The following SLC8A1 variants were observed in gnomAD, a reference collection of about 807,000 sequenced individuals.
The protein encoded by SLC8A1 is solute carrier family 8 member A1.
SLC8A1 carries 18 observed loss-of-function variants against 68.3 expected under a neutral mutation model. The ratio of observed to expected loss-of-function variants is 0.26; its 90% confidence interval spans 0.18 to 0.39. SLC8A1 has a LOEUF of 0.39. Among genes scored for constraint, SLC8A1 ranks in the 10% least tolerant of loss-of-function variants. SLC8A1 has a pLI of 1.00. For synonymous variants in SLC8A1, 475 were observed against 415.5 expected (o/e 1.14, Z -1.74); for missense variants, 985 against 1,156.7 (o/e 0.85, Z 2.15).
In SLC8A1 at chr2:40,386,169, C is replaced by T. The variant is rs983440725; in HGVS notation, c.1808+42304G>A. ...TGAAATATAAGTTTACATATGCCCA[C>T]GGACAAAAACAAAAAGGACTGTTAG... On this transcript the variant is annotated intron_variant, in intron 2 of 7. Transcript: ENST00000406785. 7.3e-5 allele frequency among the ~76,000 whole-genome samples: 11 copies of T among 151,186 alleles called. 1 individual carries two copies. Among genetic ancestry groups the T allele is most frequent in the South Asian group, 4.1e-4 (2 of 4,822 alleles).
At chr2:40,324,596 C>T (rs976478696) in intron 2 of SLC8A1, among the ~76,000 whole-genome samples, 3 of 152,014 alleles carry the variant, frequency 2.0e-5, no homozygotes, top group Non-Finnish European at 4.4e-5. Flanking sequence ...TTTTAGTCTC[C>T]ACAAAGTGGC....
At chr2:40,421,081 C>T (rs1695377059) in intron 2 of SLC8A1, among the ~76,000 whole-genome samples, 2 of 152,168 alleles carry the variant, frequency 1.3e-5, no homozygotes, top group South Asian at 4.2e-4. Context: ...CCACCACCAC[C>T]ACCAACACCA....
intron 2 of SLC8A1, among the ~76,000 whole-genome samples, chr2:40,420,659 G>A (rs185033886): frequency 0.012 from 1,849 of 152,178 alleles, 11 homozygotes; most frequent in Middle Eastern, 0.024. Flanking sequence ...ATGGAGAGTG[G>A]GGCACGGGGT....
At chr2:40,457,842 T>C (rs1227800570) in intron 1 of SLC8A1, among the ~76,000 whole-genome samples, 3 of 152,250 alleles carry the variant, frequency 2.0e-5, no homozygotes, top group South Asian at 2.1e-4. Flanking sequence ...TTAATTTTTA[T>C]GTAAGAAATC....
upstream of SLC8A1, among the ~76,000 whole-genome samples, chr2:40,454,608 T>C (rs944674253): frequency 3.3e-5 from 5 of 152,058 alleles, no homozygotes; most frequent in African/African-American, 9.7e-5. Flanking sequence ...AAAACAATAT[T>C]AAATGGTCTT....
upstream of SLC8A1, among the ~76,000 whole-genome samples, chr2:40,455,529 T>C (rs1171096691): frequency 6.7e-6 from 1 of 150,180 alleles, no homozygotes; most frequent in Non-Finnish European, 1.5e-5. Context: ...AGTTTCATAG[T>C]GATTTCTACA....
chr2:40,426,196 G>C (rs1046965609), intron 2 of SLC8A1, among the ~76,000 whole-genome samples: 1 of 151,942 alleles, frequency 6.6e-6, no homozygotes, highest in Non-Finnish European at 1.5e-5. Flanking sequence ...CCACTTATAA[G>C]TTAAATGCTT....
At chr2:40,388,895 T>G (rs190165607) in intron 2 of SLC8A1, among the ~76,000 whole-genome samples, 1 of 152,240 alleles carries the variant, frequency 6.6e-6, no homozygotes, top group East Asian at 1.9e-4. Context: ...GAAAATTGCT[T>G]AAGACCTTGA....
intron 3 of SLC8A1, among the ~76,000 whole-genome samples, chr2:40,177,193 C>G (rs1441779998): frequency 6.6e-6 from 1 of 152,056 alleles, no homozygotes; most frequent in Non-Finnish European, 1.5e-5. Flanking sequence ...AAAATGAGCA[C>G]TAGAATATTG....
chr2:40,258,811 C>G (rs2064295121), intron 2 of SLC8A1, among the ~76,000 whole-genome samples: 1 of 151,798 alleles, frequency 6.6e-6, no homozygotes. Flanking sequence ...CACTGCACAC[C>G]AGCCTGGGCA....
chr2:40,271,170 G>A (rs1284811087), intron 2 of SLC8A1, among the ~76,000 whole-genome samples: 1 of 108,012 alleles, frequency 9.3e-6, no homozygotes, highest in Non-Finnish European at 1.7e-5. Context: ...AGACCCCCAA[G>A]CCCCCCTCAT....
chr2:40,350,077 G>A (rs149588802), intron 2 of SLC8A1, among the ~76,000 whole-genome samples: 26 of 152,124 alleles, frequency 1.7e-4, no homozygotes, highest in African/African-American at 6.0e-4. Flanking sequence ...TTAATTTTTT[G>A]TTGTTTTCCT....
At chr2:40,129,894 T>C (rs1385172720) in intron 7 of SLC8A1, among the ~76,000 whole-genome samples, 1 of 152,170 alleles carries the variant, frequency 6.6e-6, no homozygotes, top group Admixed American at 6.5e-5. Flanking sequence ...CTGAGTAAAG[T>C]TGGCTGGTAT....
intron 2 of SLC8A1, among the ~76,000 whole-genome samples, chr2:40,316,292 G>C (rs1372015633): frequency 2.0e-5 from 3 of 151,934 alleles, no homozygotes; most frequent in African/African-American, 7.2e-5. Context: ...CTTGGATGTT[G>C]AAAAGAAATT....
chr2:40,099,227 A>G (rs1418764671), exon 8 of SLC8A1: 1 of 152,062 alleles, frequency 6.6e-6, no homozygotes, highest in Non-Finnish European at 1.5e-5. Context: ...ATGTGCTGGA[A>G]TCTTTTTCAT....
chr2:40,487,226 G>A (rs751185534), intron 1 of SLC8A1, among the ~76,000 whole-genome samples: 6 of 152,086 alleles, frequency 3.9e-5, no homozygotes, highest in African/African-American at 1.2e-4. Context: ...TGAGGAGGTA[G>A]CATGTGAGGT....
At chr2:40,394,100 G>A (rs944711351) in intron 2 of SLC8A1, among the ~76,000 whole-genome samples, 3 of 151,968 alleles carry the variant, frequency 2.0e-5, no homozygotes, top group African/African-American at 4.8e-5. Flanking sequence ...CTACAGTAGT[G>A]CACAGGACAG....
At chr2:40,507,324 T>C (rs1342694306) in intron 1 of SLC8A1, among the ~76,000 whole-genome samples, 1 of 151,920 alleles carries the variant, frequency 6.6e-6, no homozygotes, top group Non-Finnish European at 1.5e-5. Flanking sequence ...ACTACAAGGA[T>C]GAAATATGGC....
intron 2 of SLC8A1, among the ~76,000 whole-genome samples, chr2:40,425,554 A>G (rs2149767508): frequency 6.6e-6 from 1 of 152,016 alleles, no homozygotes; most frequent in East Asian, 1.9e-4. Flanking sequence ...TGTGCACAAC[A>G]TTAAACAAAC....
Sources: allele counts gnomAD v4.1 joint callset (sites outside exome capture counted in the v4.1 genomes callset), GRCh38; gene constraint gnomAD v4.1.1; transcripts MANE v1.5; gene names NCBI Gene and HGNC (gene_info 2026-07-23, HGNC 2026-07-21).